Variants in TARBP1 observed in about 807,000 individuals in gnomAD.
The protein encoded by TARBP1 is tRNA guanosine 2 -O-methyltransferase TARBP1, also known as tRNA (guanosine(18)-2'-O)-methyltransferase TARBP1.
A neutral mutation model predicts 178.6 loss-of-function variants in TARBP1; 144 were observed. The observed-to-expected ratio is 0.81, with a 90% CI of 0.70 to 0.93. The LOEUF (loss-of-function observed/expected upper bound fraction) is 0.93. Ranked by LOEUF, TARBP1 falls within the 40% of genes least tolerant of loss-of-function variation. The pLI is 0.00. For missense variants in TARBP1, 2,067 were observed against 2,011.7 expected (o/e 1.03, Z -0.53); for synonymous variants, 787 against 781.0 (o/e 1.01, Z -0.13).
intron 22 of TARBP1, among the ~76,000 whole-genome samples, chr1:234,412,986 C>T (rs1443977531): frequency 8.5e-5 from 13 of 152,092 alleles, no homozygotes; most frequent in African/African-American, 2.7e-4. Flanking sequence ...GGACATGACC[C>T]GCCTGCGCCC....
chr1:234,410,629 G>C, intron 22 of TARBP1, 98 bp from the exon 23 acceptor site: 1 of 729,122 alleles, frequency 1.4e-6, no homozygotes, highest in Non-Finnish European at 2.3e-6. Flanking sequence ...CCCAGGACAG[G>C]AGGCAGCCTC....
rs754758365 is a variant in TARBP1, at chr1:234,393,724, G to C, written c.4357C>G (p.Arg1453Gly). 1.5e-5 allele frequency: 24 copies of C among 1,613,806 alleles called. No homozygotes were observed. The Admixed American group carries it at 2.7e-4, about 18-fold the overall frequency. Residue 1453 changes from arginine to glycine, a missense_variant, in exon 27 of 30, where the codon CGT (arginine) becomes GGT (glycine). Arg to Gly is a moderately radical substitution (Grantham distance 125). Transcript: ENST00000040877. ...DLDLELLFQD[R>G]AARLGKSISR... Reference sequence around the variant, plus strand: ...ATTGACTTTCCAAGTCTGGCAGCACGATCCTGAAACAGGAGCTCCAGGTCT... The same window carrying C: ...ATTGACTTTCCAAGTCTGGCAGCACCATCCTGAAACAGGAGCTCCAGGTCT...
intron 13 of TARBP1, among the ~76,000 whole-genome samples, chr1:234,436,382 AAAAT>A (rs1307522723): frequency 3.9e-5 from 6 of 152,206 alleles, no homozygotes; most frequent in Middle Eastern, 6.6e-3. Context: ...ACAAAAATTA[AAAAT>A]AAATAAATGC....
At chr1:234,392,600 T>C in intron 28 of TARBP1, 48 bp from the exon 29 acceptor site, 1 of 1,569,244 alleles carries the variant, frequency 6.4e-7, no homozygotes, top group Non-Finnish European at 8.7e-7. Flanking sequence ...GTTATAGCCC[T>C]GCTTGGAGTA....
intron 23 of TARBP1, among the ~76,000 whole-genome samples, chr1:234,409,741 TG>T (rs1459130415): frequency 6.6e-6 from 1 of 152,256 alleles, no homozygotes; most frequent in East Asian, 1.9e-4. Flanking sequence ...TATATTTTTA[TG>T]GTACTTTCAA....
chr1:234,404,941 T>C (rs557099963), intron 24 of TARBP1, among the ~76,000 whole-genome samples: 6 of 151,878 alleles, frequency 4.0e-5, no homozygotes, highest in African/African-American at 1.4e-4. Context: ...TGAAGGGAGG[T>C]AGAAAGGTAC....
At chr1:234,469,077 T>TAAAAAA (rs1327979551) in intron 3 of TARBP1, among the ~76,000 whole-genome samples, 4 of 63,786 alleles carry the variant, frequency 6.3e-5, no homozygotes, top group Admixed American at 2.0e-4. Flanking sequence ...TTTTTTTTTT[T>TAAAAAA]AAAAAAAAAA....
rs138255958 is a variant in TARBP1, at chr1:234,422,404, A to T, written c.3445-1592T>A. Among the ~76,000 whole-genome samples the T allele has an allele frequency of 6.4e-3, 971 of 152,332 alleles. 7 individuals are homozygous for T. The highest frequency in any genetic ancestry group is 0.022 in the African/African-American group (898 of 41,566). On this transcript the variant is annotated intron_variant, in intron 20 of 29. Coordinates refer to ENST00000040877, the MANE Select transcript of TARBP1 (RefSeq NM_005646.4). ...ACACAATGGAGTACTATTTGGCCAT[A>T]AAAAAGAATGAGATCCTGTCATCTG...
In TARBP1 at chr1:234,463,889, T is replaced by C. The variant is rs1318269952; in HGVS notation, c.1347A>G (p.Lys449=). The C allele has an allele frequency of 1.3e-6, 2 of 1,599,302 alleles. No individual in the cohort carries two copies. Among genetic ancestry groups the C allele is most frequent in the African/African-American group, 2.7e-5 (2 of 74,306 alleles). Residue 449 remains lysine (K), a synonymous_variant, in exon 6 of 30, where the codon AAA becomes AAG. Coordinates refer to ENST00000040877, the MANE Select transcript of TARBP1 (RefSeq NM_005646.4). ...PIGSCSPLGL[K]LQKFLVTYIS... is the part of the protein sequence containing the mutation. ...TATAAGTGACTAAAAACTTCTGTAATTTCAGTCCCAATGGAGAACAGCTTC... is the reference window on the plus strand; with the variant it reads ...TATAAGTGACTAAAAACTTCTGTAACTTCAGTCCCAATGGAGAACAGCTTC...
intron 26 of TARBP1, 128 bp downstream of exon 26, chr1:234,398,254 T>C: frequency 1.4e-6 from 1 of 692,146 alleles, no homozygotes; most frequent in Non-Finnish European, 2.1e-6. Flanking sequence ...TTTCCCTAAG[T>C]GGAAAGGCAG....
intron 20 of TARBP1, among the ~76,000 whole-genome samples, chr1:234,424,286 G>C (rs538968527): frequency 7.9e-5 from 12 of 152,330 alleles, no homozygotes; most frequent in African/African-American, 2.4e-4. Context: ...ATGGGGAACA[G>C]AGCACCATGC....
chr1:234,455,987 C>G (rs898830214), intron 9 of TARBP1, among the ~76,000 whole-genome samples: 11 of 152,084 alleles, frequency 7.2e-5, no homozygotes, highest in Non-Finnish European at 1.6e-4. Context: ...TCACCAAATG[C>G]TATGTTTTAT....
intron 23 of TARBP1, among the ~76,000 whole-genome samples, chr1:234,408,308 T>C (rs1572231605): frequency 6.6e-6 from 1 of 152,078 alleles, no homozygotes; most frequent in Non-Finnish European, 1.5e-5. Flanking sequence ...ACCAACTCCA[T>C]CTTGCTTCTA....
chr1:234,412,731 T>C (rs1661974477), intron 22 of TARBP1, among the ~76,000 whole-genome samples: 2 of 152,084 alleles, frequency 1.3e-5, no homozygotes, highest in Admixed American at 1.3e-4. Context: ...AAGAAGACCA[T>C]TTTGTGTAAA....
chr1:234,404,936 G>A (rs1661059251), intron 24 of TARBP1, among the ~76,000 whole-genome samples: 1 of 152,172 alleles, frequency 6.6e-6, no homozygotes, highest in Admixed American at 6.5e-5. Flanking sequence ...AAAAGTGAAG[G>A]GAGGTAGAAA....
intron 26 of TARBP1, among the ~76,000 whole-genome samples, chr1:234,395,912 A>AGAG (rs903276385): frequency 2.0e-4 from 30 of 152,288 alleles, no homozygotes; most frequent in African/African-American, 6.7e-4. Flanking sequence ...TAGCTAGAAG[A>AGAG]GAGGATTTTC....
chr1:234,451,766 A>AAAAAAAAACAAAAACAAAAAAAC lies in TARBP1; in HGVS notation c.1723-1201_1723-1200insGTTTTTTTGTTTTTGTTTTTTTT, dbSNP rs57636903. Among the ~76,000 whole-genome samples, 2 of 17,176 alleles carry AAAAAAAAACAAAAACAAAAAAAC rather than the reference A, an allele frequency of 1.2e-4. 1 individual carries two copies. Among genetic ancestry groups the AAAAAAAAACAAAAACAAAAAAAC allele is most frequent in the South Asian group, 0.013 (2 of 156 alleles). The allele number at this position is 17,176 out of a possible 152,430, so 11.3% of individuals were successfully genotyped here. A position where few individuals can be genotyped will look rare whatever the true frequency, so the allele number is the denominator to read the frequency against. Reference sequence around the variant, plus strand: ...TCCGTCTCAAAAAAAAAAAAAAAAAATGATGAATGACTGGATCATCGAAGT... The same window carrying AAAAAAAAACAAAAACAAAAAAAC: ...TCCGTCTCAAAAAAAAAAAAAAAAAAAAAAAAAACAAAAACAAAAAAACTGATGAATGACTGGATCATCGAAGT... On this transcript the variant is annotated intron_variant, in intron 9 of 29. Transcript: ENST00000040877.
intron 10 of TARBP1, among the ~76,000 whole-genome samples, chr1:234,448,878 AATAC>A (rs1363917311): frequency 2.6e-5 from 4 of 152,216 alleles, no homozygotes; most frequent in Non-Finnish European, 5.9e-5. Flanking sequence ...ATTATCAAAG[AATAC>A]ATAGAAAAAT....
intron 12 of TARBP1, among the ~76,000 whole-genome samples, chr1:234,444,512 C>T (rs1572340787): frequency 6.6e-6 from 1 of 152,132 alleles, no homozygotes; most frequent in African/African-American, 2.4e-5. Context: ...AAAACACAGC[C>T]GTCTGGACTA....
Sources: gnomAD v4.1 joint callset for allele counts (sites outside exome capture counted in the v4.1 genomes callset) on GRCh38, gnomAD v4.1.1 for gene constraint, MANE v1.5 for transcripts, NCBI Gene and HGNC (gene_info 2026-07-23, HGNC 2026-07-21) for gene names.